The following TXNDC16 variants were observed in gnomAD, a reference collection of about 807,000 sequenced individuals.
TXNDC16 encodes the protein thioredoxin domain containing 16.
A neutral mutation model predicts 85.6 loss-of-function variants in TXNDC16; 74 were observed. The observed-to-expected ratio is 0.86, with a 90% CI of 0.72 to 1.05. TXNDC16 has a LOEUF of 1.05. Ranked by LOEUF, TXNDC16 falls within the 50% of genes least tolerant of loss-of-function variation. The pLI is 0.00. For missense variants in TXNDC16, 959 were observed against 947.0 expected (o/e 1.01, Z -0.17); for synonymous variants, 335 against 326.5 (o/e 1.03, Z -0.28).
intron 18 of TXNDC16, among the ~76,000 whole-genome samples, chr14:52,453,959 G>C (rs1785160813): frequency 6.6e-6 from 1 of 152,068 alleles, no homozygotes; most frequent in Admixed American, 6.5e-5. Flanking sequence ...GAATAAAGAA[G>C]ACCTAGTATT....
chr14:52,452,447 A>G (rs1417423833), intron 18 of TXNDC16, among the ~76,000 whole-genome samples: 2 of 152,344 alleles, frequency 1.3e-5, no homozygotes, highest in Middle Eastern at 3.4e-3. Context: ...ATAGAGCTAT[A>G]GTAACCAAAG....
chr14:52,536,916 T>A lies in TXNDC16; in HGVS notation c.318-123A>T. ...TCTTTGATGTTACAGCTGTGTCTTG[T>A]CCACATACTCCACATACCTACCAGC... On this transcript the variant is annotated intron_variant, in intron 5 of 20. Coordinates refer to ENST00000281741, the MANE Select transcript of TXNDC16 (RefSeq NM_020784.3). 7.6e-6 allele frequency: 5 copies of A among 661,582 alleles called. No individual in the cohort carries two copies. In the South Asian group the frequency reaches 1.1e-4, roughly 14 times the overall value. 41.0% of individuals were successfully genotyped at this position (661,582 alleles called of 1,614,324 possible).
chr14:52,552,364 G>T lies in TXNDC16; in HGVS notation c.-230C>A. The T allele has an allele frequency of 6.6e-6, 1 of 152,484 alleles. No individual in the cohort carries two copies. Among genetic ancestry groups the T allele is most frequent in the Non-Finnish European group, 1.5e-5 (1 of 68,176 alleles). The allele number at this position is 152,484 out of a possible 1,614,324, so 9.4% of individuals were successfully genotyped here. On this transcript the variant is annotated 5_prime_UTR_variant, in exon 1 of 21. Transcript: ENST00000281741. ...ACCTGGGCCGTTCCCGAGGCCGCGC[G>T]GCCAACAGTTCCCGCCGCCACGCGA... is the stretch of plus-strand genomic sequence containing the variant.
At chr14:52,470,484 A>G in intron 15 of TXNDC16, 28 bp downstream of exon 15, 1 of 1,595,172 alleles carries the variant, frequency 6.3e-7, no homozygotes, top group Non-Finnish European at 8.5e-7. Context: ...AAACATTCAG[A>G]GATCTTATAA....
intron 1 of TXNDC16, among the ~76,000 whole-genome samples, chr14:52,548,914 C>T (rs913500529): frequency 3.9e-5 from 6 of 152,146 alleles, no homozygotes; most frequent in African/African-American, 1.4e-4. Context: ...TTATTTTAAA[C>T]TTCTAATGTT....
rs1010656434 is a variant in TXNDC16 at position 52,470,319 on chromosome 14, A to G, written c.1482-146T>C. On this transcript the variant is annotated intron_variant, in intron 15 of 20. Transcript: ENST00000281741. ...GAAAATTAAATATTATTCTTAAAGA[A>G]AATCAGACTCATTAAACAAAATTGC... The G allele has an allele frequency of 7.7e-6, 7 of 914,508 alleles. No individual in the cohort carries two copies. In the African/African-American group the frequency reaches 8.4e-5, roughly 11 times the overall value. The allele number at this position is 914,508 out of a possible 1,614,324, so 56.6% of individuals were successfully genotyped here. A position where few individuals can be genotyped will look rare whatever the true frequency, so the allele number is the denominator to read the frequency against.
chr14:52,450,880 T>TATAC (rs1491178456), intron 18 of TXNDC16, among the ~76,000 whole-genome samples: 90 of 113,576 alleles, frequency 7.9e-4, no homozygotes, highest in Non-Finnish European at 1.4e-3. Context: ...TATATATATA[T>TATAC]ACACACACAC....
chr14:52,461,168 T>G (rs2035644574), intron 16 of TXNDC16, among the ~76,000 whole-genome samples: 1 of 151,684 alleles, frequency 6.6e-6, no homozygotes, highest in Non-Finnish European at 1.5e-5. Flanking sequence ...AATAGACTCT[T>G]TATTTAGAAT....
chr14:52,549,417 T>C (rs973864327), intron 1 of TXNDC16, among the ~76,000 whole-genome samples: 1 of 152,152 alleles, frequency 6.6e-6, no homozygotes, highest in Non-Finnish European at 1.5e-5. Context: ...GCGACAAAAG[T>C]GTGTTTTGTT....
At chr14:52,535,513 C>G (rs902949463) in intron 6 of TXNDC16, among the ~76,000 whole-genome samples, 1 of 151,820 alleles carries the variant, frequency 6.6e-6, no homozygotes, top group Non-Finnish European at 1.5e-5. Flanking sequence ...AAGAGGAGAC[C>G]CAAGCAGAAA....
At chr14:52,543,349 A>G (rs1310459716) in intron 3 of TXNDC16, 49 bp downstream of exon 3, 1 of 1,553,034 alleles carries the variant, frequency 6.4e-7, no homozygotes, top group East Asian at 2.3e-5. Context: ...CTGATTAAAT[A>G]GCAATAAAAA....
At chr14:52,484,556 T>A (rs1005386786) in intron 12 of TXNDC16, among the ~76,000 whole-genome samples, 3 of 152,184 alleles carry the variant, frequency 2.0e-5, no homozygotes, top group African/African-American at 7.2e-5. Flanking sequence ...TTTGTGGTGA[T>A]GCTGGTGTAA....
chr14:52,430,746 A>T lies in TXNDC16; in HGVS notation c.*1558T>A, dbSNP rs2034872927. The T allele has an allele frequency of 6.6e-6, 1 of 152,234 alleles. No individual in the cohort carries two copies. The highest frequency in any genetic ancestry group is 2.4e-5 in the African/African-American group (1 of 41,468). The allele number at this position is 152,234 out of a possible 1,614,324, so 9.4% of individuals were successfully genotyped here. A position where few individuals can be genotyped will look rare whatever the true frequency, so the allele number is the denominator to read the frequency against. ...CTAATAATTAGGCTAATGATGTTTT[A>T]TTACTACAACCTATATTTAGAGTTC... On this transcript the variant is annotated 3_prime_UTR_variant, in exon 21 of 21. Coordinates refer to ENST00000281741, the MANE Select transcript of TXNDC16 (RefSeq NM_020784.3).
chr14:52,447,348 C>T (rs1025185100), intron 18 of TXNDC16, among the ~76,000 whole-genome samples: 4 of 152,104 alleles, frequency 2.6e-5, no homozygotes, highest in African/African-American at 4.8e-5. Flanking sequence ...ATTCACCATC[C>T]TAAAGGGAAG....
At chr14:52,533,383 T>C (rs1325332599) in intron 6 of TXNDC16, among the ~76,000 whole-genome samples, 2 of 151,682 alleles carry the variant, frequency 1.3e-5, no homozygotes, top group Admixed American at 6.6e-5. Flanking sequence ...AAAAAGAAAA[T>C]CCCCCCTTTG....
intron 6 of TXNDC16, among the ~76,000 whole-genome samples, chr14:52,535,564 C>A (rs2037680634): frequency 6.6e-6 from 1 of 152,070 alleles, no homozygotes; most frequent in Non-Finnish European, 1.5e-5. Flanking sequence ...GGACAACAGG[C>A]TTATAACATT....
chr14:52,465,295 T>C (rs1282472164), intron 16 of TXNDC16, among the ~76,000 whole-genome samples: 2 of 152,080 alleles, frequency 1.3e-5, no homozygotes, highest in Non-Finnish European at 2.9e-5. Context: ...AGAGTTAGTA[T>C]AATGAAGTAA....
chr14:52,499,163 A>G (rs114516139), intron 9 of TXNDC16, among the ~76,000 whole-genome samples: 1,569 of 152,298 alleles, frequency 0.01, 27 homozygotes, highest in African/African-American at 0.036. Flanking sequence ...GCATATACAA[A>G]AGTTAACTCA....
intron 6 of TXNDC16, among the ~76,000 whole-genome samples, chr14:52,532,309 T>C (rs2037599501): frequency 6.6e-6 from 1 of 152,108 alleles, no homozygotes; most frequent in Non-Finnish European, 1.5e-5. Flanking sequence ...GAGGCCACAG[T>C]GTGATATAAT....
Sources: gnomAD v4.1 joint callset for allele counts (sites outside exome capture counted in the v4.1 genomes callset) on GRCh38, gnomAD v4.1.1 for gene constraint, MANE v1.5 for transcripts, NCBI Gene and HGNC (gene_info 2026-07-23, HGNC 2026-07-21) for gene names.